NELL2: variants seen among roughly 807,000 people sequenced by gnomAD.
NELL2 encodes protein kinase C-binding protein NELL2.
A neutral mutation model predicts 109.6 loss-of-function variants in NELL2; 41 were observed. That is an observed-to-expected ratio of 0.37 (90% CI 0.29 to 0.49). The LOEUF (loss-of-function observed/expected upper bound fraction) is 0.49. NELL2 is among the 20% of genes least tolerant of loss of function. The pLI, the probability that NELL2 is intolerant of heterozygous loss-of-function variation, is 0.98. For synonymous variants in NELL2, 355 were observed against 344.7 expected (o/e 1.03, Z -0.33); for missense variants, 900 against 1,008.3 (o/e 0.89, Z 1.45).
chr12:44,534,165 A>G (rs1942203029), intron 15 of NELL2, among the ~76,000 whole-genome samples: 1 of 152,058 alleles, frequency 6.6e-6, no homozygotes, highest in African/African-American at 2.4e-5. Context: ...CTCTTTTCAG[A>G]AGTTCAATGT....
At chr12:44,781,062 A>G (rs1415476976) in intron 3 of NELL2, among the ~76,000 whole-genome samples, 2 of 152,134 alleles carry the variant, frequency 1.3e-5, no homozygotes, top group African/African-American at 2.4e-5. Flanking sequence ...AAAAGAACAG[A>G]TATCAAGACT....
intron 9 of NELL2, among the ~76,000 whole-genome samples, chr12:44,755,764 C>G (rs909080520): frequency 6.6e-6 from 1 of 152,168 alleles, no homozygotes; most frequent in African/African-American, 2.4e-5. Flanking sequence ...TCCTTACTTT[C>G]TTCTCTATCC....
chr12:44,884,509 G>T (rs942258323), intron 1 of NELL2, among the ~76,000 whole-genome samples: 2 of 151,646 alleles, frequency 1.3e-5, no homozygotes, highest in African/African-American at 4.9e-5. Context: ...AAATATTCCA[G>T]AAAATAAAGG....
chr12:44,768,124 C>G (rs1941407257), intron 9 of NELL2, among the ~76,000 whole-genome samples: 1 of 152,132 alleles, frequency 6.6e-6, no homozygotes, highest in Admixed American at 6.6e-5. Flanking sequence ...GACTAATTAA[C>G]AGTAGATTTA....
intron 13 of NELL2, among the ~76,000 whole-genome samples, chr12:44,646,704 C>CTG (rs1947108697): frequency 1.3e-5 from 2 of 152,114 alleles, no homozygotes; most frequent in Non-Finnish European, 2.9e-5. Flanking sequence ...ACTGTACTGC[C>CTG]TAGTGAATGT....
At chr12:44,816,616 C>T (rs1387838886) in intron 2 of NELL2, among the ~76,000 whole-genome samples, 1 of 152,168 alleles carries the variant, frequency 6.6e-6, no homozygotes, top group Non-Finnish European at 1.5e-5. Flanking sequence ...TTTCTTCAGC[C>T]AGAAGGTTTG....
At chr12:44,511,527 G>C (rs998019570) in intron 19 of NELL2, among the ~76,000 whole-genome samples, 2 of 152,144 alleles carry the variant, frequency 1.3e-5, no homozygotes, top group African/African-American at 2.4e-5. Context: ...AGGTGTCAGA[G>C]GACAGCTTGG....
intron 13 of NELL2, among the ~76,000 whole-genome samples, chr12:44,661,384 C>T (rs2136332657): frequency 6.6e-6 from 1 of 152,288 alleles, no homozygotes; most frequent in Admixed American, 6.5e-5. Flanking sequence ...AACTTCCACT[C>T]CTGCTCTGAA....
chr12:44,706,764 G>T (rs556469176), intron 11 of NELL2, among the ~76,000 whole-genome samples: 1 of 152,086 alleles, frequency 6.6e-6, no homozygotes, highest in South Asian at 2.1e-4. Flanking sequence ...ATAGACAGAT[G>T]GATGAACCAA....
chr12:44,654,331 TCTCTA>T (rs954203001), intron 13 of NELL2, among the ~76,000 whole-genome samples: 3 of 152,214 alleles, frequency 2.0e-5, no homozygotes, highest in Non-Finnish European at 4.4e-5. Context: ...ACTCTAACTC[TCTCTA>T]CTCTTGTCCT....
intron 19 of NELL2, among the ~76,000 whole-genome samples, chr12:44,512,611 C>T (rs1381741325): frequency 6.6e-6 from 1 of 151,938 alleles, no homozygotes; most frequent in South Asian, 2.1e-4. Flanking sequence ...GAAAATGTGG[C>T]ATATATCCAC....
At chr12:44,818,293 T>A (rs1291738477) in intron 2 of NELL2, among the ~76,000 whole-genome samples, 2 of 152,202 alleles carry the variant, frequency 1.3e-5, no homozygotes, top group Non-Finnish European at 2.9e-5. Context: ...ACAAACTACA[T>A]TACTTCATTT....
At chr12:44,636,382 C>T (rs1225733247) in intron 13 of NELL2, among the ~76,000 whole-genome samples, 2 of 152,102 alleles carry the variant, frequency 1.3e-5, no homozygotes, top group Non-Finnish European at 2.9e-5. Flanking sequence ...GGACTGCTTC[C>T]AACTTTTGCC....
chr12:44,561,647 C>T (rs1943471387), intron 15 of NELL2, among the ~76,000 whole-genome samples: 1 of 152,126 alleles, frequency 6.6e-6, no homozygotes, highest in African/African-American at 2.4e-5. Context: ...GAACTACAAA[C>T]CACTGCTCAA....
At chr12:44,730,130 T>G (rs1214793659) in intron 9 of NELL2, among the ~76,000 whole-genome samples, 1 of 152,118 alleles carries the variant, frequency 6.6e-6, no homozygotes, top group African/African-American at 2.4e-5. Flanking sequence ...AGAGCACCTA[T>G]GCATACAAAG....
At chr12:44,671,934 C>T (rs1423296437) in intron 12 of NELL2, among the ~76,000 whole-genome samples, 2 of 152,206 alleles carry the variant, frequency 1.3e-5, no homozygotes, top group Non-Finnish European at 2.9e-5. Context: ...ACAATTTACC[C>T]ATGGGGATGA....
At chr12:44,518,185 A>T (rs944210357) in intron 19 of NELL2, among the ~76,000 whole-genome samples, 7 of 152,184 alleles carry the variant, frequency 4.6e-5, no homozygotes, top group Non-Finnish European at 8.8e-5. Flanking sequence ...TATTCCTATC[A>T]AAAGCTGAGA....
At chr12:44,563,136 G>A (rs780409358) in intron 15 of NELL2, among the ~76,000 whole-genome samples, 5 of 152,026 alleles carry the variant, frequency 3.3e-5, no homozygotes, top group Non-Finnish European at 5.9e-5. Flanking sequence ...ACACAGGGAG[G>A]GGAACATCAC....
intron 1 of NELL2, among the ~76,000 whole-genome samples, chr12:44,891,048 A>G (rs143193067): frequency 0.012 from 1,850 of 152,272 alleles, 157 homozygotes; most frequent in Admixed American, 0.11. Flanking sequence ...ACATTTCATT[A>G]TGACTACTAG....
Sources: gnomAD v4.1 joint callset for allele counts (sites outside exome capture counted in the v4.1 genomes callset) on GRCh38, gnomAD v4.1.1 for gene constraint, MANE v1.5 for transcripts, NCBI Gene and HGNC (gene_info 2026-07-23, HGNC 2026-07-21) for gene names.